DPYD: variants seen among roughly 807,000 people sequenced by gnomAD.
DPYD encodes dihydropyrimidine dehydrogenase, also known as dihydropyrimidine dehydrogenase [NADP(+)].
DPYD carries 109 observed loss-of-function variants against 116.2 expected under a neutral mutation model. The ratio of observed to expected loss-of-function variants is 0.94; its 90% confidence interval spans 0.80 to 1.10. The LOEUF is 1.10. Among genes scored for constraint, DPYD ranks in the 50% least tolerant of loss-of-function variants. DPYD has a pLI of 0.00. For synonymous variants in DPYD, 440 were observed against 432.0 expected, an observed-to-expected ratio of 1.02 and a Z score of -0.23; for missense variants, 1,302 against 1,254.5, an observed-to-expected ratio of 1.04 and a Z score of -0.57.
intron 8 of DPYD, among the ~76,000 whole-genome samples, chr1:97,670,043 T>A (rs924710607): frequency 6.6e-6 from 1 of 152,136 alleles, no homozygotes; most frequent in Non-Finnish European, 1.5e-5. Flanking sequence ...ACTGTGCACA[T>A]GAATACAATG....
chr1:97,807,147 A>G (rs988473711), intron 3 of DPYD, among the ~76,000 whole-genome samples: 2 of 152,108 alleles, frequency 1.3e-5, no homozygotes, highest in Non-Finnish European at 2.9e-5. Context: ...TTGTGTGGAC[A>G]TAAGTTTTCA....
chr1:97,229,053 A>T (rs1661391514), intron 19 of DPYD, among the ~76,000 whole-genome samples: 1 of 151,604 alleles, frequency 6.6e-6, no homozygotes. Context: ...CACACAAAAA[A>T]ATTAGCCGGG....
chr1:97,139,244 C>T (rs1342934848), intron 20 of DPYD, among the ~76,000 whole-genome samples: 4 of 152,102 alleles, frequency 2.6e-5, no homozygotes, highest in Non-Finnish European at 5.9e-5. Flanking sequence ...CAGATTCCTT[C>T]CATCTCATTT....
chr1:97,205,342 T>A (rs1298010475), intron 19 of DPYD, among the ~76,000 whole-genome samples: 2 of 151,462 alleles, frequency 1.3e-5, no homozygotes, highest in East Asian at 3.9e-4. Context: ...CCCCATCCCC[T>A]GGCAACCACT....
chr1:97,232,350 A>G (rs1661634549), intron 19 of DPYD, among the ~76,000 whole-genome samples: 4 of 152,130 alleles, frequency 2.6e-5, no homozygotes, highest in Admixed American at 2.6e-4. Context: ...CAGTTTTCAG[A>G]AATTTGAATA....
chr1:97,828,071 C>A, intron 3 of DPYD, 43 bp downstream of exon 3: 2 of 1,571,206 alleles, frequency 1.3e-6, no homozygotes, highest in Non-Finnish European at 1.8e-6. Context: ...ATGACTTTTT[C>A]TTTACCACAT....
chr1:97,812,893 CT>C (rs1668404993), intron 3 of DPYD, among the ~76,000 whole-genome samples: 1 of 152,030 alleles, frequency 6.6e-6, no homozygotes, highest in Non-Finnish European at 1.5e-5. Context: ...TTATCATGCT[CT>C]TTAAAAACAG....
rs529614610 is a variant in DPYD at position 97,724,123 on chromosome 1, T to C, written c.322-2452A>G. Among the ~76,000 whole-genome samples the C allele has an allele frequency of 2.0e-5, 3 of 151,500 alleles. No homozygotes were observed. The East Asian group carries it at 5.8e-4, about 29-fold the overall frequency. On this transcript the variant is annotated intron_variant, in intron 4 of 22. Coordinates refer to ENST00000370192, the MANE Select transcript of DPYD (RefSeq NM_000110.4). ...ACAAAAGCTATCAACAAACTGCAAA[T>C]AGAAAGAAACTTCAACACCTTAATA...
chr1:97,658,609 T>C (rs920765066), intron 8 of DPYD, among the ~76,000 whole-genome samples: 1 of 152,152 alleles, frequency 6.6e-6, no homozygotes, highest in Non-Finnish European at 1.5e-5. Context: ...ACTTCAGCAT[T>C]TGCCCAAGTT....
rs1270418446 is a variant in DPYD, at chr1:97,595,325, C to T, written c.851-159G>A. Among the ~76,000 whole-genome samples the T allele has an allele frequency of 2.6e-5, 4 of 152,002 alleles. 1 individual carries two copies. Among genetic ancestry groups the T allele is most frequent in the South Asian group, 4.1e-4 (2 of 4,828 alleles). ...ATAAAATGTACATAATACAGTCTAACGGATCTCAGAGTATATTATGTATAT... is the reference window on the plus strand; with the variant it reads ...ATAAAATGTACATAATACAGTCTAATGGATCTCAGAGTATATTATGTATAT... On this transcript the variant is annotated intron_variant, in intron 8 of 22. Coordinates refer to ENST00000370192, the MANE Select transcript of DPYD (RefSeq NM_000110.4).
At chr1:97,600,401 C>T (rs1020026437) in intron 8 of DPYD, among the ~76,000 whole-genome samples, 4 of 152,138 alleles carry the variant, frequency 2.6e-5, no homozygotes, top group South Asian at 4.2e-4. Context: ...AGGCTAACTT[C>T]CCCCTCTGTC....
At chr1:97,115,371 T>C (rs1651892667) in intron 20 of DPYD, among the ~76,000 whole-genome samples, 1 of 152,190 alleles carries the variant, frequency 6.6e-6, no homozygotes, top group Non-Finnish European at 1.5e-5. Context: ...ATTTTATTGT[T>C]TGAAAGTTCT....
intron 3 of DPYD, among the ~76,000 whole-genome samples, chr1:97,760,308 CA>C (rs1665502345): frequency 6.6e-6 from 1 of 152,116 alleles, no homozygotes; most frequent in South Asian, 2.1e-4. Context: ...CTCTCTCTCA[CA>C]CATACACAAA....
At chr1:97,302,465 G>A (rs913441727) in intron 18 of DPYD, among the ~76,000 whole-genome samples, 6 of 151,636 alleles carry the variant, frequency 4.0e-5, no homozygotes, top group Admixed American at 2.6e-4. Context: ...TTTAAGCACC[G>A]CCCCCCAGAG....
intron 5 of DPYD, among the ~76,000 whole-genome samples, chr1:97,701,680 C>A (rs1473432506): frequency 6.6e-6 from 1 of 151,808 alleles, no homozygotes; most frequent in Non-Finnish European, 1.5e-5. Context: ...ACATAAGGAA[C>A]ATCCAAACAA....
chr1:97,247,943 T>C (rs1210364718), intron 18 of DPYD, among the ~76,000 whole-genome samples: 1 of 152,114 alleles, frequency 6.6e-6, no homozygotes, highest in East Asian at 1.9e-4. Context: ...AAGGAAGGAA[T>C]AATACCGATC....
intron 14 of DPYD, among the ~76,000 whole-genome samples, chr1:97,442,127 C>T (rs1276275129): frequency 6.6e-6 from 1 of 152,010 alleles, no homozygotes; most frequent in African/African-American, 2.4e-5. Flanking sequence ...CTCAAGAGAA[C>T]ACCTGCAGGT....
At chr1:97,864,456 G>A (rs1671273169) in intron 2 of DPYD, among the ~76,000 whole-genome samples, 2 of 151,766 alleles carry the variant, frequency 1.3e-5, no homozygotes, top group South Asian at 4.2e-4. Flanking sequence ...ACTAAGGAGT[G>A]GAATTGATTT....
At chr1:97,880,021 T>C (rs1297331433) in intron 2 of DPYD, among the ~76,000 whole-genome samples, 4 of 151,610 alleles carry the variant, frequency 2.6e-5, no homozygotes, top group South Asian at 4.2e-4. Context: ...TATATATAGA[T>C]AGATATCTAT....
Sources: allele counts gnomAD v4.1 joint callset (sites outside exome capture counted in the v4.1 genomes callset), GRCh38; gene constraint gnomAD v4.1.1; transcripts MANE v1.5; gene names NCBI Gene and HGNC (gene_info 2026-07-23, HGNC 2026-07-21).